Variants in ARHGAP8 observed in about 807,000 individuals in gnomAD.
The protein encoded by ARHGAP8 is Rho GTPase activating protein 8, also known as rho GTPase-activating protein 8.
A neutral mutation model predicts 46.1 loss-of-function variants in ARHGAP8; 62 were observed. The observed-to-expected ratio is 1.34, with a 90% CI of 1.10 to 1.66. ARHGAP8 has a LOEUF of 1.66. ARHGAP8 is among the 40% of genes most tolerant of loss of function. The pLI, the probability that ARHGAP8 is intolerant of heterozygous loss-of-function variation, is 0.00. For synonymous variants in ARHGAP8, 375 were observed against 243.1 expected (o/e 1.54, Z -5.05); for missense variants, 923 against 568.4 (o/e 1.62, Z -6.34).
chr22:44,859,871 G>T lies in ARHGAP8; in HGVS notation c.981+37G>T, dbSNP rs200547735. On this transcript the variant is annotated intron_variant, in intron 11 of 11. Transcript: ENST00000356099. ...AGGGGGGAGCTTGGGGTGAAGCCCA[G>T]TGGCCTTCCCTCCCATGCTGGGCCC... 1.9e-6 allele frequency: 3 copies of T among 1,605,402 alleles called. No individual in the cohort carries two copies. The African/African-American group carries it at 4.0e-5, about 21-fold the overall frequency.
At chr22:44,859,862 T>A (rs2070382092) in intron 11 of ARHGAP8, 28 bp downstream of exon 11, 1 of 1,608,406 alleles carries the variant, frequency 6.2e-7, no homozygotes, top group African/African-American at 1.3e-5. Context: ...GAGCTTGGGG[T>A]GAAGCCCAGT....
At chr22:44,857,333 C>T (rs577827226) in intron 10 of ARHGAP8, among the ~76,000 whole-genome samples, 1 of 152,282 alleles carries the variant, frequency 6.6e-6, no homozygotes, top group South Asian at 2.1e-4. Flanking sequence ...GCCAAGGGTA[C>T]CTCATCCCCA....
intron 2 of ARHGAP8, among the ~76,000 whole-genome samples, chr22:44,792,316 T>C (rs3788628): frequency 0.45 from 67,940 of 151,930 alleles, 15,655 homozygotes; most frequent in African/African-American, 0.56. Context: ...GGCCTCCAGT[T>C]GCTTTTTCAG....
In ARHGAP8 at chr22:44,862,604, A is replaced by G. The variant is rs773068069; in HGVS notation, c.*9A>G. The G allele has an allele frequency of 1.0e-5, 16 of 1,550,228 alleles. No homozygotes were observed. The highest frequency in any genetic ancestry group is 1.4e-5 in the Non-Finnish European group (16 of 1,146,258). Reference sequence around the variant, plus strand: ...CCAGAAGACGTCTCTAGTGTTGCGAACACTCTGTATATTTCGAGCTACCTC... The same window carrying G: ...CCAGAAGACGTCTCTAGTGTTGCGAGCACTCTGTATATTTCGAGCTACCTC... On this transcript the variant is annotated 3_prime_UTR_variant, in exon 12 of 12. Coordinates refer to ENST00000356099, the MANE Select transcript of ARHGAP8 (RefSeq NM_181335.3).
chr22:44,793,479 T>TA (rs1446950749), intron 2 of ARHGAP8, among the ~76,000 whole-genome samples: 2 of 152,200 alleles, frequency 1.3e-5, no homozygotes, highest in Non-Finnish European at 2.9e-5. Flanking sequence ...CACGCAGGCC[T>TA]AAAGGGGTCT....
intron 5 of ARHGAP8, among the ~76,000 whole-genome samples, chr22:44,819,661 G>A (rs776554761): frequency 3.3e-5 from 5 of 151,824 alleles, no homozygotes; most frequent in Non-Finnish European, 7.4e-5. Flanking sequence ...CAATAAGAGC[G>A]AAACTCCACC....
intron 1 of ARHGAP8, among the ~76,000 whole-genome samples, chr22:44,770,380 G>T (rs1410392112): frequency 6.6e-6 from 1 of 151,752 alleles, no homozygotes; most frequent in Non-Finnish European, 1.5e-5. Context: ...GAATGCAAAA[G>T]TCTGAAAAGG....
At chr22:44,762,413 G>T (rs1178530183) in intron 1 of ARHGAP8, among the ~76,000 whole-genome samples, 1 of 151,284 alleles carries the variant, frequency 6.6e-6, no homozygotes, top group Non-Finnish European at 1.5e-5. Context: ...TCCAACCTGG[G>T]CAACAGCATG....
intron 1 of ARHGAP8, among the ~76,000 whole-genome samples, chr22:44,756,645 TTC>T (rs1239149803): frequency 2.0e-4 from 22 of 112,740 alleles, no homozygotes; most frequent in African/African-American, 6.3e-4. Context: ...CTCTCACCCC[TTC>T]TCTCCCCTCC....
rs958088341 is a variant in ARHGAP8, at chr22:44,757,105, G to A, written c.-72+4478G>A. 1.6e-4 allele frequency among the ~76,000 whole-genome samples: 24 copies of A among 151,800 alleles called. 1 individual carries two copies. Among genetic ancestry groups the A allele is most frequent in the Admixed American group, 3.9e-4 (6 of 15,208 alleles). On this transcript the variant is annotated intron_variant, in intron 1 of 11. Transcript: ENST00000356099. ...TTAATTTTTAAATTTTTGTAGAGAC[G>A]AGGTCTTGCTTTGTTGCCCAGGCTG...
At chr22:44,788,880 C>T (rs1927468608) in intron 2 of ARHGAP8, among the ~76,000 whole-genome samples, 1 of 152,158 alleles carries the variant, frequency 6.6e-6, no homozygotes, top group Admixed American at 6.5e-5. Context: ...TGCCTATGAT[C>T]TGTCTAGGTA....
chr22:44,860,482 C>A (rs574803063), intron 11 of ARHGAP8, among the ~76,000 whole-genome samples: 7 of 152,178 alleles, frequency 4.6e-5, no homozygotes, highest in Admixed American at 1.3e-4. Flanking sequence ...AAGTGTGGAC[C>A]CCCTGCCATA....
intron 11 of ARHGAP8, among the ~76,000 whole-genome samples, chr22:44,860,212 G>T (rs2070403689): frequency 6.6e-6 from 1 of 152,132 alleles, no homozygotes; most frequent in South Asian, 2.1e-4. Context: ...GACCATTCCT[G>T]GGGAAGGGAT....
intron 4 of ARHGAP8, 101 bp downstream of exon 4, chr22:44,808,539 G>T (rs1333326776): frequency 1.3e-6 from 2 of 1,531,258 alleles, no homozygotes; most frequent in Non-Finnish European, 1.8e-6. Context: ...TGGGGGAGGG[G>T]TCTGGTAGGG....
At chr22:44,767,332 C>T (rs574712838) in intron 1 of ARHGAP8, among the ~76,000 whole-genome samples, 11 of 151,936 alleles carry the variant, frequency 7.2e-5, no homozygotes, top group African/African-American at 2.6e-4. Flanking sequence ...GATGCTCTTT[C>T]TCCCCCTCTC....
chr22:44,856,034 C>T (rs1049149764), intron 10 of ARHGAP8, among the ~76,000 whole-genome samples: 4 of 152,068 alleles, frequency 2.6e-5, no homozygotes, highest in African/African-American at 9.7e-5. Flanking sequence ...TCATGCCACA[C>T]ACTTAACCAG....
At chr22:44,809,107 C>T (rs549032322) in intron 4 of ARHGAP8, 2 of 470,706 alleles carry the variant, frequency 4.2e-6, no homozygotes, top group Non-Finnish European at 8.8e-6. Context: ...AGGCAGGAGC[C>T]ACCATGCCAA....
chr22:44,849,409 C>T (rs2070040888), intron 10 of ARHGAP8: 2 of 305,010 alleles, frequency 6.6e-6, no homozygotes, highest in East Asian at 7.9e-5. Flanking sequence ...CCCAGACCCT[C>T]AGCTCTCTCA....
intron 10 of ARHGAP8, among the ~76,000 whole-genome samples, chr22:44,858,419 G>C (rs938077858): frequency 6.6e-6 from 1 of 150,538 alleles, no homozygotes; most frequent in Non-Finnish European, 1.5e-5. Context: ...CCAGGCTGGA[G>C]TGCAATGGCA....
Sources: gnomAD v4.1 joint callset for allele counts (sites outside exome capture counted in the v4.1 genomes callset) on GRCh38, gnomAD v4.1.1 for gene constraint, MANE v1.5 for transcripts, NCBI Gene and HGNC (gene_info 2026-07-23, HGNC 2026-07-21) for gene names.